Variants in ZSWIM6 observed in about 807,000 individuals in gnomAD.
The protein encoded by ZSWIM6 is zinc finger SWIM-type containing 6, also known as zinc finger SWIM domain-containing protein 6.
In ZSWIM6, 9 loss-of-function variants were observed where a neutral mutation model predicts 113.2. The ratio of observed to expected loss-of-function variants is 0.08; its 90% confidence interval spans 0.05 to 0.14. The LOEUF is 0.14. Among genes scored for constraint, ZSWIM6 ranks in the 10% least tolerant of loss-of-function variants. The probability of loss-of-function intolerance (pLI) is 1.00; values close to 1 mark genes in which losing one functional copy is unlikely to be tolerated. For synonymous variants in ZSWIM6, 611 were observed against 606.5 expected, an observed-to-expected ratio of 1.01 and a Z score of -0.11; for missense variants, 1,162 against 1,552.2, an observed-to-expected ratio of 0.75 and a Z score of 4.22.
rs1347289965 is a variant in ZSWIM6, at chr5:61,341,045, A to G, written c.676+8097A>G. Among the ~76,000 whole-genome samples the G allele has an allele frequency of 7.2e-5, 11 of 152,236 alleles. No homozygotes were observed. The East Asian group carries it at 2.1e-3, about 29-fold the overall frequency. On this transcript the variant is annotated intron_variant, in intron 1 of 13. Coordinates refer to ENST00000252744, the MANE Select transcript of ZSWIM6 (RefSeq NM_020928.2). ...ATTGTGTCACTATGTCATTGATGAG[A>G]AAATAAAAAAGTCAGTTCTGGCCAG...
At chr5:61,502,191 G>A (rs1175725316) in intron 4 of ZSWIM6, among the ~76,000 whole-genome samples, 1 of 152,172 alleles carries the variant, frequency 6.6e-6, no homozygotes, top group Non-Finnish European at 1.5e-5. Context: ...GGGCTTCACA[G>A]AGAATCAGGG....
rs1749812988 is a variant in ZSWIM6, at chr5:61,543,897, T to C, written c.3228T>C (p.Cys1076=). ...HPAINDVLWA[C]ALSHSLGKNE... ...CCATTAATGATGTTTTGTGGGCCTGTGCGCTTAGCCACTCCCTTGGTAAAA... is the reference window on the plus strand; with the variant it reads ...CCATTAATGATGTTTTGTGGGCCTGCGCGCTTAGCCACTCCCTTGGTAAAA... Residue 1076 remains cysteine (C), a synonymous_variant, in exon 14 of 14, where the codon TGT becomes TGC. Transcript: ENST00000252744. The surrounding 1 kb of genome is among the most constrained non-coding windows in gnomAD (Gnocchi z 4.3). 6.4e-7 allele frequency: 1 copy of C among 1,551,884 alleles called. No individual in the cohort carries two copies.
At chr5:61,377,320 A>G (rs1470676979) in intron 1 of ZSWIM6, among the ~76,000 whole-genome samples, 1 of 152,220 alleles carries the variant, frequency 6.6e-6, no homozygotes, top group African/African-American at 2.4e-5. Flanking sequence ...CACAAAAGAA[A>G]TAGAACTAAG....
chr5:61,362,569 CCT>C (rs916050400), intron 1 of ZSWIM6, among the ~76,000 whole-genome samples: 7 of 152,116 alleles, frequency 4.6e-5, no homozygotes, highest in African/African-American at 1.7e-4. Flanking sequence ...TCATGATTTT[CCT>C]CCCACCTCTC....
chr5:61,372,881 TC>T (rs1014018314), intron 1 of ZSWIM6, among the ~76,000 whole-genome samples: 14 of 152,190 alleles, frequency 9.2e-5, no homozygotes, highest in African/African-American at 2.4e-4. Context: ...TTTCTTTTTT[TC>T]ATTTAGTTAT....
intron 1 of ZSWIM6, among the ~76,000 whole-genome samples, chr5:61,435,843 A>T (rs1746694429): frequency 6.6e-6 from 1 of 152,156 alleles, no homozygotes; most frequent in Admixed American, 6.5e-5. Flanking sequence ...ACCAGTTAAA[A>T]ATTATTTTCT....
At chr5:61,440,049 A>T (rs187300544) in intron 1 of ZSWIM6, among the ~76,000 whole-genome samples, 1 of 152,124 alleles carries the variant, frequency 6.6e-6, no homozygotes, top group East Asian at 1.9e-4. Flanking sequence ...ATCAGGAAGT[A>T]TGGGAATATG....
chr5:61,446,336 G>A (rs1184775304), intron 1 of ZSWIM6, among the ~76,000 whole-genome samples: 1 of 152,154 alleles, frequency 6.6e-6, no homozygotes, highest in East Asian at 1.9e-4. Flanking sequence ...GAAAACTGAG[G>A]TATTAGACAA....
At position 61,544,342 on chromosome 5, in the gene ZSWIM6, G is replaced by A. The variant is rs1455519664; in HGVS notation, c.*25G>A. 3.0e-5 allele frequency: 4 copies of A among 131,482 alleles called. No homozygotes were observed. Among genetic ancestry groups the A allele is most frequent in the Non-Finnish European group, 4.7e-5 (3 of 64,238 alleles). 8.1% of individuals were successfully genotyped at this position (131,482 alleles called of 1,614,324 possible). On this transcript the variant is annotated 3_prime_UTR_variant, in exon 14 of 14. Transcript: ENST00000252744. ...ATAGATCTTGTATGAATGGGGTGGG[G>A]GGTGGGGATGGGAGGGATGGTTTGT... is the stretch of plus-strand genomic sequence containing the variant.
chr5:61,537,641 A>G (rs1490410421), intron 10 of ZSWIM6, among the ~76,000 whole-genome samples: 1 of 152,054 alleles, frequency 6.6e-6, no homozygotes. Flanking sequence ...TACTGCTGAC[A>G]TCTTTTTGTT....
chr5:61,368,323 A>G (rs2112063823), intron 1 of ZSWIM6, among the ~76,000 whole-genome samples: 1 of 152,338 alleles, frequency 6.6e-6, no homozygotes, highest in East Asian at 1.9e-4. Flanking sequence ...GATATTTTAA[A>G]ATTTAGAAAC....
chr5:61,536,152 T>C (rs1431294718), intron 10 of ZSWIM6, among the ~76,000 whole-genome samples: 1 of 152,240 alleles, frequency 6.6e-6, no homozygotes, highest in Non-Finnish European at 1.5e-5. Context: ...TTCGGGGTCC[T>C]TCAGGCTCTG....
intron 4 of ZSWIM6, among the ~76,000 whole-genome samples, chr5:61,511,910 A>G (rs771615817): frequency 3.3e-5 from 5 of 152,158 alleles, no homozygotes; most frequent in Non-Finnish European, 7.4e-5. Flanking sequence ...TGGGCACGCA[A>G]TAAATGGTGA....
intron 9 of ZSWIM6, among the ~76,000 whole-genome samples, chr5:61,532,471 G>A (rs559078308): frequency 5.3e-5 from 8 of 152,202 alleles, no homozygotes; most frequent in Non-Finnish European, 1.2e-4. Flanking sequence ...TCAAGTATAT[G>A]TGTGTTATTA....
chr5:61,333,130 C>A (rs1347158411), intron 1 of ZSWIM6, among the ~76,000 whole-genome samples, 182 bp downstream of exon 1: 2 of 151,718 alleles, frequency 1.3e-5, no homozygotes, highest in East Asian at 2.0e-4. Context: ...CCCTTCCCTG[C>A]CCCCCGTCGC....
chr5:61,357,298 G>C (rs1744934878), intron 1 of ZSWIM6, among the ~76,000 whole-genome samples: 2 of 152,154 alleles, frequency 1.3e-5, no homozygotes, highest in South Asian at 4.1e-4. Flanking sequence ...TGAATGATGA[G>C]GGCTTTTAAA....
rs12519658 is a variant in ZSWIM6 at position 61,535,912 on chromosome 5, G to A, written c.2381+293G>A. Among the ~76,000 whole-genome samples the A allele has an allele frequency of 0.026, 3,910 of 152,318 alleles. 168 individuals carry two copies. Among genetic ancestry groups the A allele is most frequent in the South Asian group, 0.18 (879 of 4,830 alleles). On this transcript the variant is annotated intron_variant, in intron 10 of 13. Transcript: ENST00000252744. ...CAAGTTTAATCATAAAACAGCAACA[G>A]TTGAAACCTTCATAAATGATTAATT...
chr5:61,472,530 G>A lies in ZSWIM6; in HGVS notation c.677-151G>A. On this transcript the variant is annotated intron_variant, in intron 1 of 13. Transcript: ENST00000252744. This position sits in a 1 kb window ranked among gnomAD's most constrained non-coding sequence, Gnocchi z 4.1. ...TTACCTGTAAGGGGGTGGTGGTAGT[G>A]GTTAGTGGCCTGAATGTTTTTACTT... is the stretch of plus-strand genomic sequence containing the variant. The A allele has an allele frequency of 1.8e-6, 1 of 562,434 alleles. No homozygotes were observed. Among genetic ancestry groups the A allele is most frequent in the Non-Finnish European group, 3.1e-6 (1 of 322,376 alleles). 34.8% of individuals were successfully genotyped at this position (562,434 alleles called of 1,614,324 possible).
intron 2 of ZSWIM6, among the ~76,000 whole-genome samples, chr5:61,488,319 T>C (rs1229162061): frequency 6.6e-6 from 1 of 152,060 alleles, no homozygotes; most frequent in African/African-American, 2.4e-5. Flanking sequence ...TCTCTAGTTT[T>C]CTTTTTGTGT....
Sources: allele counts gnomAD v4.1 joint callset (sites outside exome capture counted in the v4.1 genomes callset), GRCh38; gene constraint gnomAD v4.1.1; non-coding constraint Gnocchi (gnomAD v3.1); transcripts MANE v1.5; gene names NCBI Gene and HGNC (gene_info 2026-07-23, HGNC 2026-07-21).